The following CPNE8 variants were observed in gnomAD, a reference collection of about 807,000 sequenced individuals.
The protein encoded by CPNE8 is copine 8, also known as copine-8.
In CPNE8, 45 loss-of-function variants were observed where a neutral mutation model predicts 81.5. The ratio of observed to expected loss-of-function variants is 0.55; its 90% CI spans 0.44 to 0.71. The LOEUF is 0.71. Among genes scored for constraint, CPNE8 ranks in the 30% least tolerant of loss-of-function variants. The pLI is 0.00. For missense variants in CPNE8, 594 were observed against 672.1 expected (o/e 0.88, Z 1.28); for synonymous variants, 252 against 226.3 (o/e 1.11, Z -1.02).
chr12:38,784,648 A>C (rs1357714973), intron 6 of CPNE8, among the ~76,000 whole-genome samples: 3 of 152,108 alleles, frequency 2.0e-5, no homozygotes, highest in Admixed American at 2.0e-4. Flanking sequence ...CAAACACCAC[A>C]CAAAGTGGCT....
At chr12:38,809,862 T>C (rs1312714791) in intron 6 of CPNE8, among the ~76,000 whole-genome samples, 4 of 152,140 alleles carry the variant, frequency 2.6e-5, no homozygotes, top group African/African-American at 9.7e-5. Flanking sequence ...ATTATCTGCT[T>C]CCAACACATG....
chr12:38,728,976 T>C (rs906044951), intron 11 of CPNE8, among the ~76,000 whole-genome samples: 2 of 152,146 alleles, frequency 1.3e-5, no homozygotes, highest in Non-Finnish European at 2.9e-5. Context: ...CTTTGTCATC[T>C]CATCAGATGT....
At chr12:38,788,156 CA>C (rs1414497492) in intron 6 of CPNE8, among the ~76,000 whole-genome samples, 1 of 151,324 alleles carries the variant, frequency 6.6e-6, no homozygotes, top group Non-Finnish European at 1.5e-5. Flanking sequence ...AAAGACACAT[CA>C]AAAAAAGAAA....
At chr12:38,811,973 G>A (rs1942945957) in intron 6 of CPNE8, among the ~76,000 whole-genome samples, 1 of 152,136 alleles carries the variant, frequency 6.6e-6, no homozygotes, top group Non-Finnish European at 1.5e-5. Flanking sequence ...GAGTCTCTTG[G>A]GAAGAAAAGC....
intron 10 of CPNE8, among the ~76,000 whole-genome samples, chr12:38,745,470 C>T (rs1042070467): frequency 2.6e-5 from 4 of 152,118 alleles, no homozygotes; most frequent in African/African-American, 9.7e-5. Context: ...CTTTAAATTC[C>T]CCTGCAGTAA....
intron 4 of CPNE8, among the ~76,000 whole-genome samples, chr12:38,846,881 T>A (rs762077788): frequency 7.9e-5 from 12 of 152,110 alleles, no homozygotes; most frequent in Non-Finnish European, 1.6e-4. Flanking sequence ...TGCCCATCAG[T>A]AAGTGTTTGG....
chr12:38,741,282 T>C (rs545121609), intron 10 of CPNE8, among the ~76,000 whole-genome samples: 3 of 152,214 alleles, frequency 2.0e-5, no homozygotes, highest in African/African-American at 7.2e-5. Flanking sequence ...CTTCAAACTA[T>C]ACTACAAGGC....
At chr12:38,860,981 G>GT (rs1943823429) in intron 3 of CPNE8, among the ~76,000 whole-genome samples, 1 of 152,134 alleles carries the variant, frequency 6.6e-6, no homozygotes, top group African/African-American at 2.4e-5. Context: ...TTTGCTAAAA[G>GT]TGTAGATATT....
intron 6 of CPNE8, among the ~76,000 whole-genome samples, chr12:38,814,642 C>T (rs1942994622): frequency 6.6e-6 from 1 of 151,882 alleles, no homozygotes; most frequent in Admixed American, 6.6e-5. Context: ...TTTTATTTTT[C>T]TTTGCTGAAC....
At chr12:38,834,056 T>C (rs1229171147) in intron 5 of CPNE8, among the ~76,000 whole-genome samples, 1 of 152,130 alleles carries the variant, frequency 6.6e-6, no homozygotes, top group Non-Finnish European at 1.5e-5. Flanking sequence ...CCAGGGGCTA[T>C]ATCAAGGACT....
In CPNE8 at chr12:38,874,648, T is replaced by C. The variant is rs188406735; in HGVS notation, c.99-137A>G. On this transcript the variant is annotated intron_variant, in intron 1 of 19. Transcript: ENST00000331366. ...TCATACACACACATATACATATATA[T>C]GACTAAATAAACATGTCCCAAGGGT... is the stretch of plus-strand genomic sequence containing the variant. 4 of 507,034 alleles carry C rather than the reference T, an allele frequency of 7.9e-6. No individual in the cohort carries two copies. The Admixed American group carries it at 1.1e-4, about 14-fold the overall frequency. The allele number at this position is 507,034 out of a possible 1,614,324, so 31.4% of individuals were successfully genotyped here.
chr12:38,704,029 T>C lies in CPNE8; in HGVS notation c.915-1108A>G, dbSNP rs528487132. ...AAAGCAAACACCACGTATTCTTCCT[T>C]ATAAGTGCGAGCTAAACATTGGGTA... On this transcript the variant is annotated intron_variant, in intron 13 of 19. Coordinates refer to ENST00000331366, the MANE Select transcript of CPNE8 (RefSeq NM_153634.3). Among the ~76,000 whole-genome samples the C allele has an allele frequency of 1.8e-4, 28 of 152,254 alleles. No homozygotes were observed. The South Asian group carries it at 5.4e-3, about 29-fold the overall frequency.
intron 3 of CPNE8, among the ~76,000 whole-genome samples, chr12:38,850,077 A>C (rs1354122664): frequency 2.0e-5 from 3 of 152,180 alleles, no homozygotes; most frequent in Non-Finnish European, 4.4e-5. Flanking sequence ...AGTGGGAATA[A>C]GAGTATATAC....
intron 6 of CPNE8, among the ~76,000 whole-genome samples, chr12:38,784,653 G>A (rs1942135204): frequency 6.6e-6 from 1 of 152,016 alleles, no homozygotes; most frequent in South Asian, 2.1e-4. Context: ...ACCACACAAA[G>A]TGGCTCCAAT....
chr12:38,905,528 T>A lies in CPNE8; in HGVS notation c.7A>T (p.Ser3Cys), dbSNP rs781190943. Residue 3 changes from serine (S) to cysteine (C), a missense_variant, in exon 1 of 20, where the codon AGC becomes TGC. Physicochemically the swap from Ser to Cys is moderately radical, Grantham distance 112. Coordinates refer to ENST00000331366, the MANE Select transcript of CPNE8 (RefSeq NM_153634.3). ...ATGCCCGCAGTGCTGTTGTAGCGGC[T>A]GTCCATATTGGGAGGAGGCGCCTTG... MD[S>C]RYNSTAGIGD... 2 of 1,563,566 alleles carry A rather than the reference T, an allele frequency of 1.3e-6. No homozygotes were observed. Among genetic ancestry groups the A allele is most frequent in the Non-Finnish European group, 1.7e-6 (2 of 1,154,134 alleles).
chr12:38,906,448 C>T, upstream of CPNE8: 1 of 985,626 alleles, frequency 1.0e-6, no homozygotes, highest in Non-Finnish European at 1.2e-6. Context: ...GACATTCCTC[C>T]TACAGTAAGG....
chr12:38,721,397 C>T (rs1015869127), intron 13 of CPNE8, among the ~76,000 whole-genome samples: 9 of 152,066 alleles, frequency 5.9e-5, no homozygotes, highest in Admixed American at 2.0e-4. Context: ...AACCTGCCTG[C>T]AGAGAGGAGC....
intron 6 of CPNE8, among the ~76,000 whole-genome samples, chr12:38,811,538 G>T (rs916175203): frequency 3.9e-5 from 6 of 152,076 alleles, no homozygotes; most frequent in Non-Finnish European, 7.4e-5. Context: ...GTCAAACTTA[G>T]GTTCCATAAT....
chr12:38,704,712 G>GA (rs1319621154), intron 13 of CPNE8, among the ~76,000 whole-genome samples: 1 of 151,468 alleles, frequency 6.6e-6, no homozygotes, highest in Non-Finnish European at 1.5e-5. Context: ...AGCATCAGAA[G>GA]AGAGTATCAT....
Sources: gnomAD v4.1 joint callset for allele counts (sites outside exome capture counted in the v4.1 genomes callset) on GRCh38, gnomAD v4.1.1 for gene constraint, MANE v1.5 for transcripts, NCBI Gene and HGNC (gene_info 2026-07-23, HGNC 2026-07-21) for gene names.